Variants in BICRA observed in about 807,000 individuals in gnomAD.
The protein encoded by BICRA is BRD4-interacting chromatin-remodeling complex-associated protein.
A neutral mutation model predicts 96.9 loss-of-function variants in BICRA; 31 were observed. The ratio of observed to expected loss-of-function variants is 0.32; its 90% CI spans 0.24 to 0.43. The LOEUF (loss-of-function observed/expected upper bound fraction) is 0.43, where lower values mean the gene tolerates loss of function less well. Ranked by LOEUF, BICRA falls within the 20% of genes least tolerant of loss-of-function variation. The pLI is 1.00. For missense variants in BICRA, 2,283 were observed against 2,190.3 expected, an observed-to-expected ratio of 1.04 and a Z score of -0.84; for synonymous variants, 1,350 against 1,071.8, an observed-to-expected ratio of 1.26 and a Z score of -5.07.
At chr19:47,617,702 G>T (rs970601178) in intron 1 of BICRA, among the ~76,000 whole-genome samples, 2 of 151,710 alleles carry the variant, frequency 1.3e-5, no homozygotes, top group African/African-American at 4.8e-5. Flanking sequence ...AGCACTCACC[G>T]AGAGTTGAGA....
intron 1 of BICRA, among the ~76,000 whole-genome samples, chr19:47,612,120 C>T (rs762292871): frequency 6.6e-6 from 1 of 152,134 alleles, no homozygotes; most frequent in African/African-American, 2.4e-5. Context: ...ATCTGACTGG[C>T]ATTTAAATTT....
intron 1 of BICRA, among the ~76,000 whole-genome samples, chr19:47,650,588 T>C (rs1267575394): frequency 6.6e-6 from 1 of 152,108 alleles, no homozygotes; most frequent in East Asian, 1.9e-4. Context: ...TGGCAAAAGG[T>C]GCAATGATTT....
At chr19:47,656,924 C>T (rs554069725) in intron 1 of BICRA, among the ~76,000 whole-genome samples, 2 of 150,526 alleles carry the variant, frequency 1.3e-5, no homozygotes, top group East Asian at 4.0e-4. Context: ...TGCAGTGTGG[C>T]GATCTCGGCT....
chr19:47,685,787 G>GTGCGCA (rs1491573025), intron 7 of BICRA, among the ~76,000 whole-genome samples: 2 of 51,266 alleles, frequency 3.9e-5, no homozygotes, highest in Non-Finnish European at 7.7e-5. Flanking sequence ...GTGTGTGTGT[G>GTGCGCA]CGCGCGCGCG....
At chr19:47,618,229 A>T (rs193203261) in intron 1 of BICRA, among the ~76,000 whole-genome samples, 1 of 152,220 alleles carries the variant, frequency 6.6e-6, no homozygotes, top group Non-Finnish European at 1.5e-5. Context: ...GCAGCAGGGG[A>T]TGGACCCCTA....
intron 1 of BICRA, among the ~76,000 whole-genome samples, chr19:47,619,035 G>A (rs958860914): frequency 4.7e-4 from 72 of 152,156 alleles, no homozygotes; most frequent in African/African-American, 1.4e-3. Context: ...GACACTTGGC[G>A]CCCGGCCTGG....
chr19:47,694,061 G>A, intron 7 of BICRA, 54 bp from the exon 8 acceptor site: 3 of 1,453,782 alleles, frequency 2.1e-6, no homozygotes, highest in Non-Finnish European at 2.7e-6. Context: ...GGCAACAGGA[G>A]CTATGGTTGG....
chr19:47,685,790 C>CGCGCGT (rs1973145159), intron 7 of BICRA, among the ~76,000 whole-genome samples: 1 of 88,692 alleles, frequency 1.1e-5, no homozygotes, highest in Non-Finnish European at 2.4e-5. Context: ...TGTGTGTGCG[C>CGCGCGT]GCGCGCGCGC....
rs543729366 is a variant in BICRA, at chr19:47,699,045, C to T, written c.3478C>T (p.Leu1160=). Residue 1160 remains leucine, a synonymous_variant, in exon 13 of 15, where the codon CTG becomes TTG. Coordinates refer to ENST00000594866, the MANE Select transcript of BICRA (RefSeq NM_001394372.1). The surrounding 1 kb of genome is among the most constrained non-coding windows in gnomAD (Gnocchi z 5.0). The part of the protein sequence containing the change: ...AMLNKYRLLL[L]EESRRVSPSA... ...GCTCAATAAATATCGGCTCCTGCTC[C>T]TGGAGGAGTCCCGGGTAGGGTCAGA... is the stretch of plus-strand genomic sequence containing the variant. The T allele has an allele frequency of 1.4e-4, 220 of 1,570,124 alleles. No individual in the cohort carries two copies. Among genetic ancestry groups the T allele is most frequent in the Non-Finnish European group, 1.8e-4 (214 of 1,157,560 alleles).
At chr19:47,636,091 A>G (rs1194718823) in intron 1 of BICRA, among the ~76,000 whole-genome samples, 1 of 152,214 alleles carries the variant, frequency 6.6e-6, no homozygotes, top group East Asian at 1.9e-4. Flanking sequence ...TTATGTTTAT[A>G]CTCAGTTCCC....
chr19:47,645,804 G>A (rs1972450828), intron 1 of BICRA, among the ~76,000 whole-genome samples: 1 of 152,098 alleles, frequency 6.6e-6, no homozygotes, highest in South Asian at 2.1e-4. Flanking sequence ...TTTGAGAGCT[G>A]AAGACTGAGA....
chr19:47,683,910 G>A (rs939485120), intron 7 of BICRA, among the ~76,000 whole-genome samples: 2 of 152,170 alleles, frequency 1.3e-5, no homozygotes, highest in Admixed American at 1.3e-4. Flanking sequence ...AGCAGTGAAT[G>A]TGGTACTCAT....
rs537465174 is a variant in BICRA at position 47,670,477 on chromosome 19, C to T, written c.-73C>T. The T allele has an allele frequency of 6.6e-6, 1 of 152,320 alleles. No homozygotes were observed. The highest frequency in any genetic ancestry group is 1.9e-4 in the East Asian group (1 of 5,176). 9.4% of individuals were successfully genotyped at this position (152,320 alleles called of 1,614,324 possible). On this transcript the variant is annotated 5_prime_UTR_variant, in exon 2 of 15. Coordinates refer to ENST00000594866, the MANE Select transcript of BICRA (RefSeq NM_001394372.1). The stretch of plus-strand genomic sequence containing the variant: ...AAGAGGACCCTTTCCAAGTCCCCAG[C>T]TGGGGGCCCTGTGTAGACCTGGAGT...
Position 47,701,254 on chromosome 19 carries a change from C to A in BICRA, c.3596-74C>A. 9.6e-7 allele frequency: 1 copy of A among 1,045,280 alleles called. No individual in the cohort carries two copies. Among genetic ancestry groups the A allele is most frequent in the Non-Finnish European group, 1.4e-6 (1 of 692,482 alleles). 64.8% of individuals were successfully genotyped at this position (1,045,280 alleles called of 1,614,324 possible). On this transcript the variant is annotated intron_variant, in intron 14 of 14. Coordinates refer to ENST00000594866, the MANE Select transcript of BICRA (RefSeq NM_001394372.1). This position sits in a 1 kb window ranked among gnomAD's most constrained non-coding sequence, Gnocchi z 5.4. ...CCTGGCAGGTAGTAGGTGCTCACTGCACACAGCTCCTCCCAGCTCGGTCGG... is the reference window on the plus strand; with the variant it reads ...CCTGGCAGGTAGTAGGTGCTCACTGAACACAGCTCCTCCCAGCTCGGTCGG...
chr19:47,694,482 C>T lies in BICRA; in HGVS notation c.2651C>T (p.Thr884Ile). ...PPAPHLPPSS[T>I]SSAVASSSET... ...GCCCCCCACCTCCCTCCATCCTCCACCTCCTCTGCTGTGGCCTCCTCCTCT... is the reference window on the plus strand; with the variant it reads ...GCCCCCCACCTCCCTCCATCCTCCATCTCCTCTGCTGTGGCCTCCTCCTCT... Residue 884 changes from threonine (T) to isoleucine (I), a missense_variant, in exon 8 of 15, where the codon ACC becomes ATC. Physicochemically the swap from Thr to Ile is moderately conservative, Grantham distance 89. Coordinates refer to ENST00000594866, the MANE Select transcript of BICRA (RefSeq NM_001394372.1). The T allele has an allele frequency of 1.3e-6, 2 of 1,493,360 alleles. No homozygotes were observed. The highest frequency in any genetic ancestry group is 1.4e-5 in the African/African-American group (1 of 70,674). 92.5% of individuals were successfully genotyped at this position (1,493,360 alleles called of 1,614,324 possible).
At position 47,699,195 on chromosome 19, in the gene BICRA, G is replaced by C. The variant is rs1973400210; in HGVS notation, c.3493-108G>C. The C allele has an allele frequency of 2.3e-6, 2 of 875,294 alleles. No homozygotes were observed. The highest frequency in any genetic ancestry group is 1.9e-6 in the Non-Finnish European group (1 of 536,136). 54.2% of individuals were successfully genotyped at this position (875,294 alleles called of 1,614,324 possible). A position where few individuals can be genotyped will look rare whatever the true frequency, so the allele number is the denominator to read the frequency against. On this transcript the variant is annotated intron_variant, in intron 13 of 14. Transcript: ENST00000594866. This position sits in a 1 kb window ranked among gnomAD's most constrained non-coding sequence, Gnocchi z 5.0. ...GAGGGAGGTTGGGAGGGAGGCGGGA[G>C]CTCCCATCACAAGGACAGTTTGGAC...
chr19:47,673,846 T>A (rs1352156909), intron 4 of BICRA, 84 bp downstream of exon 4: 1 of 1,186,810 alleles, frequency 8.4e-7, no homozygotes, highest in Non-Finnish European at 1.3e-6. Context: ...CATGTCCCTT[T>A]GATGAGGTAG....
intron 5 of BICRA, among the ~76,000 whole-genome samples, chr19:47,678,180 A>C (rs1447640887): frequency 1.3e-5 from 2 of 152,016 alleles, no homozygotes; most frequent in East Asian, 3.9e-4. Flanking sequence ...CATTGGTAGG[A>C]TCTCAGCTCA....
intron 8 of BICRA, 56 bp downstream of exon 8, chr19:47,694,782 A>AT: frequency 9.4e-7 from 1 of 1,060,886 alleles, no homozygotes; most frequent in African/African-American, 1.6e-5. Context: ...CCACCCTCTC[A>AT]GTCTGATGGG....
Sources: gnomAD v4.1 joint callset for allele counts (sites outside exome capture counted in the v4.1 genomes callset) on GRCh38, gnomAD v4.1.1 for gene constraint, Gnocchi (gnomAD v3.1) non-coding constraint, MANE v1.5 for transcripts, NCBI Gene and HGNC (gene_info 2026-07-23, HGNC 2026-07-21) for gene names.